Variants in TRAPPC14 observed in about 807,000 individuals in gnomAD.
The protein encoded by TRAPPC14 is microtubule associated protein 11.
Under a neutral mutation model 56.6 loss-of-function variants are expected in TRAPPC14, and 24 were observed. The observed-to-expected ratio is 0.42, with a 90% CI of 0.31 to 0.60. TRAPPC14 has a LOEUF of 0.60. Among genes scored for constraint, TRAPPC14 ranks in the 20% least tolerant of loss-of-function variants. TRAPPC14 has a pLI of 0.14. For synonymous variants in TRAPPC14, 377 were observed against 347.0 expected (o/e 1.09, Z -0.96); for missense variants, 615 against 790.3 (o/e 0.78, Z 2.66).
Position 100,157,478 on chromosome 7 carries a change from GC to G in TRAPPC14, c.638-20del. The G allele has an allele frequency of 6.2e-7, 1 of 1,609,240 alleles. No homozygotes were observed. Among genetic ancestry groups the G allele is most frequent in the Non-Finnish European group, 8.5e-7 (1 of 1,177,332 alleles). ...GTGCTCACTGCGGGAGGGGGTGGGG[GC>G]AAGAAGTGATGGTCTGGAGGCTGAC... On this transcript the variant is annotated intron_variant, in intron 3 of 10. Coordinates refer to ENST00000316937, the MANE Select transcript of TRAPPC14 (RefSeq NM_018275.5).
At position 100,154,703 on chromosome 7, in the gene TRAPPC14, T is replaced by C; in HGVS notation, c.*308A>G. 1 of 425,148 alleles carries C rather than the reference T, an allele frequency of 2.4e-6. No individual in the cohort carries two copies. The highest frequency in any genetic ancestry group is 4.3e-6 in the Non-Finnish European group (1 of 233,172). 26.3% of individuals were successfully genotyped at this position (425,148 alleles called of 1,614,324 possible). ...CTCAACGGGAATGAGGAAGAGACTT[T>C]GTAAACTCAGAACCAGGGTAAAGGG... On this transcript the variant is annotated 3_prime_UTR_variant, in exon 11 of 11. Coordinates refer to ENST00000316937, the MANE Select transcript of TRAPPC14 (RefSeq NM_018275.5).
In TRAPPC14 at chr7:100,154,875, A is replaced by C. The variant is rs1036323571; in HGVS notation, c.*136T>G. ...CTTCCCCCATCCCTCATCAGCAGAC[A>C]CAAGACAGGCAGCTCTGCCAGGCCT... On this transcript the variant is annotated 3_prime_UTR_variant, in exon 11 of 11. Transcript: ENST00000316937. 6.4e-5 allele frequency: 52 copies of C among 814,132 alleles called. No homozygotes were observed. The highest frequency in any genetic ancestry group is 4.4e-4 in the Admixed American group (20 of 45,850). 50.4% of individuals were successfully genotyped at this position (814,132 alleles called of 1,614,324 possible). A position where few individuals can be genotyped will look rare whatever the true frequency, so the allele number is the denominator to read the frequency against.
chr7:100,156,046 G>C, intron 8 of TRAPPC14: 2 of 720,056 alleles, frequency 2.8e-6, no homozygotes, highest in Non-Finnish European at 5.0e-6. Flanking sequence ...CATCAGATAT[G>C]AGTTGCTCTA....
At position 100,157,679 on chromosome 7, in the gene TRAPPC14, A is replaced by G; in HGVS notation, c.591T>C (p.Ser197=). The change falls in exon 3 of 11, where the codon TCT becomes TCC. Residue 197 remains serine (S), a synonymous_variant. Coordinates refer to ENST00000316937, the MANE Select transcript of TRAPPC14 (RefSeq NM_018275.5). The stretch of plus-strand genomic sequence containing the variant: ...GCTCGCCCCGGAATGTCTCCCCAGG[A>G]GATCGGGTCTGCAGCAATCGCAGGT... ...QGYLRLLQTR[S]PGETFRGEQS... 6.2e-7 allele frequency: 1 copy of G among 1,614,192 alleles called. No homozygotes were observed. The highest frequency in any genetic ancestry group is 8.5e-7 in the Non-Finnish European group (1 of 1,180,034).
rs1056221077 is a variant in TRAPPC14 at position 100,158,268 on chromosome 7, C to T, written c.232G>A (p.Ala78Thr). 8.1e-6 allele frequency: 12 copies of T among 1,489,682 alleles called. No individual in the cohort carries two copies. The South Asian group carries it at 1.4e-4, about 17-fold the overall frequency. 92.3% of individuals were successfully genotyped at this position (1,489,682 alleles called of 1,614,324 possible). A position where few individuals can be genotyped will look rare whatever the true frequency, so the allele number is the denominator to read the frequency against. Residue 78 changes from alanine to threonine, a missense_variant, in exon 1 of 11, where the codon GCC becomes ACC. Ala to Thr is a moderately conservative substitution (Grantham distance 58, BLOSUM62 0). Transcript: ENST00000316937. ...CTGACCGAGGCCAGGGCGGCCAGGG[C>T]GGTTGCCAGTTCTGCCCAGGCTCCT... is the stretch of plus-strand genomic sequence containing the variant. ...SRGAWAELAT[A>T]LAALASVSAG...
Position 100,156,878 on chromosome 7 carries a change from T to C in TRAPPC14, c.960A>G (p.Arg320=), listed in dbSNP as rs147621194. The C allele has an allele frequency of 1.0e-4, 169 of 1,613,968 alleles. 1 individual carries two copies. The East Asian group carries it at 2.3e-3, about 22-fold the overall frequency. The change falls in exon 6 of 11, where the codon AGA becomes AGG. Residue 320 remains arginine (R), a synonymous_variant. Coordinates refer to ENST00000316937, the MANE Select transcript of TRAPPC14 (RefSeq NM_018275.5). ...CCCCTGGAGGGGGCTGCTCACCCCCTCTCAGCTGAAACAGGAAGTTGTGTT... is the reference window on the plus strand; with the variant it reads ...CCCCTGGAGGGGGCTGCTCACCCCCCCTCAGCTGAAACAGGAAGTTGTGTT... ...LEEHNFLFQL[R]GGEQPPPGAK... is the part of the protein sequence containing the mutation.
rs1276151319 is a variant in TRAPPC14 at position 100,155,250 on chromosome 7, CT to C, written c.1589+11del. 2 of 1,579,712 alleles carry C rather than the reference CT, an allele frequency of 1.3e-6. No homozygotes were observed. Among genetic ancestry groups the C allele is most frequent in the Admixed American group, 1.9e-5 (1 of 53,704 alleles). ...TCTACCCGGTCCCATGCCACGCCCC[CT>C]GGTTCTGTACCTCATGAGGTGGCTT... On this transcript the variant is annotated intron_variant, in intron 10 of 10. Coordinates refer to ENST00000316937, the MANE Select transcript of TRAPPC14 (RefSeq NM_018275.5).
In TRAPPC14 at chr7:100,158,237, C is replaced by G; in HGVS notation, c.263G>C (p.Gly88Ala). 6.7e-7 allele frequency: 1 copy of G among 1,482,086 alleles called. No homozygotes were observed. Among genetic ancestry groups the G allele is most frequent in the Non-Finnish European group, 8.9e-7 (1 of 1,123,310 alleles). The allele number at this position is 1,482,086 out of a possible 1,614,324, so 91.8% of individuals were successfully genotyped here. A position where few individuals can be genotyped will look rare whatever the true frequency, so the allele number is the denominator to read the frequency against. The change falls in exon 1 of 11, where the codon GGA (glycine) becomes GCA (alanine). Residue 88 changes from glycine to alanine, a missense_variant. Gly to Ala is a moderately conservative substitution (Grantham distance 60). Transcript: ENST00000316937. The stretch of plus-strand genomic sequence containing the variant: ...GCCGCCGCCCCCCGGCATCCCGCCT[C>G]CGGCGCTGACCGAGGCCAGGGCGGC... ...ALAALASVSA[G>A]GGMPGGGGAG...
chr7:100,156,485 G>A lies in TRAPPC14; in HGVS notation c.1141C>T (p.Arg381Trp), dbSNP rs767515475. 30 of 1,613,968 alleles carry A rather than the reference G, an allele frequency of 1.9e-5. No individual in the cohort carries two copies. The highest frequency in any genetic ancestry group is 2.5e-5 in the Non-Finnish European group (29 of 1,179,986). ...GTGACAGTGAAACGCTCGTAGGTCC[G>A]AACAGGGGACTTACAAGAAGCGGTC... ...VMTASCKSPV[R>W]TYERFTVTYT... The change falls in exon 8 of 11, where the codon CGG becomes TGG. Residue 381 changes from arginine (R) to tryptophan (W), a missense_variant. Physicochemically the swap from Arg to Trp is moderately radical, Grantham distance 101 (BLOSUM62 -3). Transcript: ENST00000316937.
At chr7:100,156,746 G>C in intron 6 of TRAPPC14, 30 bp from the exon 7 acceptor site, 1 of 1,600,042 alleles carries the variant, frequency 6.2e-7, no homozygotes, top group East Asian at 2.2e-5. Context: ...GGTTGGCACA[G>C]GTATTAAGAG....
At chr7:100,157,569 A>G in intron 3 of TRAPPC14, 64 bp downstream of exon 3, 1 of 1,606,014 alleles carries the variant, frequency 6.2e-7, no homozygotes, top group African/African-American at 1.3e-5. Flanking sequence ...TTCCAGTGTG[A>G]CCCCTCCCCT....
chr7:100,156,837 ATGCTCACCTCCTTGGCCCCTGGAGGGGGC>A lies in TRAPPC14; in HGVS notation c.972_993+7del. On this transcript the variant is annotated splice_donor_variant and splice_donor_5th_base_variant and coding_sequence_variant and intron_variant, in exon 6 of 11. Transcript: ENST00000316937. LOFTEE classifies it high-confidence loss of function. ...TTTTCTTTGAACACACCAGCCCCTTATGCTCACCTCCTTGGCCCCTGGAGGGGGCTGCTCACCCCCTCTCAGCTGAAACA... is the reference window on the plus strand; with the variant it reads ...TTTTCTTTGAACACACCAGCCCCTTATGCTCACCCCCTCTCAGCTGAAACA... 6.2e-7 allele frequency: 1 copy of A among 1,613,776 alleles called. No homozygotes were observed. Among genetic ancestry groups the A allele is most frequent in the Non-Finnish European group, 8.5e-7 (1 of 1,179,890 alleles).
chr7:100,157,077 C>G lies in TRAPPC14; in HGVS notation c.845+17G>C. On this transcript the variant is annotated intron_variant, in intron 5 of 10. Transcript: ENST00000316937. ...CATCCCCACCACTTCACAGCCTCGCCCCTCCCAGGACCTCACCAGACATTG... is the reference window on the plus strand; with the variant it reads ...CATCCCCACCACTTCACAGCCTCGCGCCTCCCAGGACCTCACCAGACATTG... 1 of 1,614,124 alleles carries G rather than the reference C, an allele frequency of 6.2e-7. No homozygotes were observed. Among genetic ancestry groups the G allele is most frequent in the Non-Finnish European group, 8.5e-7 (1 of 1,179,994 alleles).
In TRAPPC14 at chr7:100,155,011, C is replaced by T; in HGVS notation, c.1743G>A (p.Ter581=). 1.9e-6 allele frequency: 3 copies of T among 1,614,096 alleles called. No individual in the cohort carries two copies. The highest frequency in any genetic ancestry group is 2.2e-5 in the East Asian group (1 of 44,880). ...CKVLVVEPVK[*] is the part of the protein sequence containing the mutation. Reference sequence around the variant, plus strand: ...AAGAGGGAACAGAGCTGGCACGGTGCTACTTGACGGGTTCCACCACCAGGA... The same window carrying T: ...AAGAGGGAACAGAGCTGGCACGGTGTTACTTGACGGGTTCCACCACCAGGA... Residue 581 remains the stop codon, a stop_retained_variant, in exon 11 of 11, where the codon TAG becomes TAA. Coordinates refer to ENST00000316937, the MANE Select transcript of TRAPPC14 (RefSeq NM_018275.5).
Position 100,157,739 on chromosome 7 carries a change from C to T in TRAPPC14, c.531G>A (p.Arg177=), listed in dbSNP as rs976182720. The stretch of plus-strand genomic sequence containing the variant: ...CTCTGACCTCTGGTGCCTCAATCTC[C>T]CGCTTCCACACAGTCACTACAATCT... ...KAKIVVTVWK[R]EIEAPEVRDQ... The change falls in exon 3 of 11, where the codon CGG becomes CGA. Residue 177 remains arginine (R), a synonymous_variant. Coordinates refer to ENST00000316937, the MANE Select transcript of TRAPPC14 (RefSeq NM_018275.5). The T allele has an allele frequency of 6.2e-7, 1 of 1,614,116 alleles. No homozygotes were observed. The highest frequency in any genetic ancestry group is 1.3e-5 in the African/African-American group (1 of 74,928).
Position 100,157,113 on chromosome 7 carries a change from GCA to G in TRAPPC14, c.824_825del (p.Val275AlafsTer48). 1 of 1,614,218 alleles carries G rather than the reference GCA, an allele frequency of 6.2e-7. No individual in the cohort carries two copies. Among genetic ancestry groups the G allele is most frequent in the Non-Finnish European group, 8.5e-7 (1 of 1,180,038 alleles). ...SYLPVMPDGS[V>X]LLVDNVCHQS... ...CCTCACCAGACATTGTCCACCAGCA[GCA>G]CAGAGCCATCGGGCATGACAGGTAG... is the stretch of plus-strand genomic sequence containing the variant. On this transcript the variant is annotated frameshift_variant, in exon 5 of 11. Transcript: ENST00000316937. LOFTEE classifies it high-confidence loss of function.
Position 100,157,758 on chromosome 7 carries a change from A to G in TRAPPC14, c.512T>C (p.Val171Ala). The change falls in exon 3 of 11, where the codon GTA (valine) becomes GCA (alanine). Residue 171 changes from valine to alanine, a missense_variant. By Grantham distance (64) the Val-to-Ala change is moderately conservative. Transcript: ENST00000316937. ...LPPGTPKAKI[V>A]VTVWKREIEA... ...AATCTCCCGCTTCCACACAGTCACT[A>G]CAATCTGTCAAGAGGAAAGACAGAT... The G allele has an allele frequency of 6.2e-7, 1 of 1,614,194 alleles. No individual in the cohort carries two copies. Among genetic ancestry groups the G allele is most frequent in the Non-Finnish European group, 8.5e-7 (1 of 1,180,030 alleles).
intron 1 of TRAPPC14, 52 bp from the exon 2 acceptor site, chr7:100,157,990 C>G: frequency 6.8e-7 from 1 of 1,478,936 alleles, no homozygotes; most frequent in Non-Finnish European, 9.0e-7. Flanking sequence ...AGGCAGCCTG[C>G]AGCCTTTCCC....
Position 100,157,266 on chromosome 7 carries a change from C to T in TRAPPC14, c.725-52G>A, listed in dbSNP as rs371540649. The T allele has an allele frequency of 3.2e-5, 52 of 1,613,546 alleles. No homozygotes were observed. The African/African-American group carries it at 6.0e-4, about 19-fold the overall frequency. On this transcript the variant is annotated intron_variant, in intron 4 of 10. Coordinates refer to ENST00000316937, the MANE Select transcript of TRAPPC14 (RefSeq NM_018275.5). ...GAATAGCTGGACCCCTCAGGCCCCA[C>T]CTTTACCCAGAAAAAACCGGACCTA...
Sources: allele counts gnomAD v4.1 joint callset, GRCh38; gene constraint gnomAD v4.1.1; transcripts MANE v1.5; gene names NCBI Gene and HGNC (gene_info 2026-07-23, HGNC 2026-07-21).